Variants in UGT2A1 observed in about 807,000 individuals in gnomAD.
The protein encoded by UGT2A1 is UDP glucuronosyltransferase family 2 member A1 complex locus.
A neutral mutation model predicts 45.4 loss-of-function variants in UGT2A1; 61 were observed. The ratio of observed to expected loss-of-function variants is 1.34; its 90% confidence interval spans 1.09 to 1.66. UGT2A1 has a LOEUF of 1.66. Ranked by LOEUF, UGT2A1 falls within the 40% of genes most tolerant of loss-of-function variation. The probability of loss-of-function intolerance (pLI) is 0.00; values close to 1 mark genes in which losing one functional copy is unlikely to be tolerated. For missense variants in UGT2A1, 649 were observed against 574.3 expected, an observed-to-expected ratio of 1.13 and a Z score of -1.33; for synonymous variants, 229 against 196.2, an observed-to-expected ratio of 1.17 and a Z score of -1.40.
At position 69,639,553 on chromosome 4, in the gene UGT2A1, C is replaced by G. The variant is rs963315167; in HGVS notation, c.716-3731G>C. On this transcript the variant is annotated intron_variant, in intron 2 of 6. Transcript: ENST00000286604. ...TCTGTAGGCCAAATTAACACATTCC[C>G]ACTTAGAACAACTTCAGTCAGAGTC... The G allele has an allele frequency of 3.1e-6, 5 of 1,612,668 alleles. No individual in the cohort carries two copies. In the South Asian group the frequency reaches 5.5e-5, roughly 18 times the overall value.
At chr4:69,614,269 G>A (rs897055933) in intron 3 of UGT2A1, among the ~76,000 whole-genome samples, 1 of 151,778 alleles carries the variant, frequency 6.6e-6, no homozygotes, top group East Asian at 1.9e-4. Context: ...AATCAAATAC[G>A]AGAAATATAT....
rs1182857622 is a variant in UGT2A1 at position 69,604,876 on chromosome 4, C to T, written c.848-5482G>A. On this transcript the variant is annotated intron_variant, in intron 3 of 6. Coordinates refer to ENST00000286604, the MANE Select transcript of UGT2A1 (RefSeq NM_001252275.3). ...AATTCAACAAGAAGAGCTAGCTGTC[C>T]TAAATATATATGCACCCAATACAGG... is the stretch of plus-strand genomic sequence containing the variant. Among the ~76,000 whole-genome samples the T allele has an allele frequency of 7.3e-5, 10 of 136,780 alleles. 1 individual carries two copies. The highest frequency in any genetic ancestry group is 4.3e-4 in the Admixed American group (6 of 13,964). The allele number at this position is 136,780 out of a possible 152,430, so 89.7% of individuals were successfully genotyped here.
chr4:69,634,688 C>G (rs138141630), intron 3 of UGT2A1, among the ~76,000 whole-genome samples: 142 of 151,884 alleles, frequency 9.3e-4, no homozygotes, highest in African/African-American at 3.3e-3. Context: ...TGAATAGATG[C>G]AGAAAAACAT....
intron 4 of UGT2A1, 114 bp from the exon 5 acceptor site, chr4:69,595,363 A>G (rs984614422): frequency 1.6e-6 from 2 of 1,249,470 alleles, no homozygotes; most frequent in Non-Finnish European, 2.2e-6. Context: ...GAATTACATA[A>G]GCAGTAGTTT....
In UGT2A1 at chr4:69,589,297, T is replaced by G; in HGVS notation, c.*75A>C. On this transcript the variant is annotated 3_prime_UTR_variant, in exon 7 of 7. Coordinates refer to ENST00000286604, the MANE Select transcript of UGT2A1 (RefSeq NM_001252275.3). ...ACGTGTTTTTGTTAAACTCCTTTTG[T>G]CTGGAATTAATAGGACTACACTACT... The G allele has an allele frequency of 7.0e-7, 1 of 1,422,678 alleles. No individual in the cohort carries two copies. The highest frequency in any genetic ancestry group is 9.2e-7 in the Non-Finnish European group (1 of 1,081,646). 88.1% of individuals were successfully genotyped at this position (1,422,678 alleles called of 1,614,324 possible). A position where few individuals can be genotyped will look rare whatever the true frequency, so the allele number is the denominator to read the frequency against.
chr4:69,596,008 C>T (rs1029821082), intron 4 of UGT2A1, among the ~76,000 whole-genome samples: 1 of 152,096 alleles, frequency 6.6e-6, no homozygotes, highest in African/African-American at 2.4e-5. Flanking sequence ...ATTTCTATTC[C>T]ATTAAAAATA....
intron 3 of UGT2A1, among the ~76,000 whole-genome samples, chr4:69,625,809 AAT>A (rs2109945097): frequency 6.6e-6 from 1 of 151,692 alleles, no homozygotes; most frequent in East Asian, 1.9e-4. Flanking sequence ...TCAATAAACA[AAT>A]ATTAAAATTA....
intron 6 of UGT2A1, among the ~76,000 whole-genome samples, chr4:69,592,706 G>A (rs1718657364): frequency 2.6e-5 from 4 of 152,086 alleles, no homozygotes; most frequent in Admixed American, 2.0e-4. Context: ...CAGGAAATAA[G>A]AGAGGAAAAC....
chr4:69,649,961 C>A (rs1428845323), intron 1 of UGT2A1, among the ~76,000 whole-genome samples: 3 of 152,004 alleles, frequency 2.0e-5, no homozygotes, highest in East Asian at 3.9e-4. Flanking sequence ...GAAATTCACA[C>A]CTTTGCAAAT....
chr4:69,599,621 C>T, intron 3 of UGT2A1: 1 of 467,974 alleles, frequency 2.1e-6, no homozygotes. Flanking sequence ...GGGAGGAAGG[C>T]AGGCAAGCAG....
intron 4 of UGT2A1, among the ~76,000 whole-genome samples, chr4:69,595,603 T>C (rs1718876633): frequency 6.6e-6 from 1 of 152,026 alleles, no homozygotes; most frequent in Non-Finnish European, 1.5e-5. Flanking sequence ...TACATAAATA[T>C]AAAGAGTCCT....
At chr4:69,609,466 G>T (rs1719900224) in intron 3 of UGT2A1, among the ~76,000 whole-genome samples, 1 of 152,056 alleles carries the variant, frequency 6.6e-6, no homozygotes, top group South Asian at 2.1e-4. Context: ...AAAGAGCTGG[G>T]ATTACAGGTG....
At chr4:69,617,969 T>A (rs150269706) in intron 3 of UGT2A1, among the ~76,000 whole-genome samples, 1 of 151,952 alleles carries the variant, frequency 6.6e-6, no homozygotes, top group African/African-American at 2.4e-5. Context: ...TGTTCAAATA[T>A]GTCTTTCGGA....
chr4:69,627,166 T>C (rs546945255), intron 3 of UGT2A1, among the ~76,000 whole-genome samples: 8 of 152,040 alleles, frequency 5.3e-5, no homozygotes, highest in Middle Eastern at 3.4e-3. Context: ...TATTTCTAAA[T>C]AATTTTTAAC....
intron 3 of UGT2A1, among the ~76,000 whole-genome samples, chr4:69,607,709 A>C (rs1719740277): frequency 6.6e-6 from 1 of 152,228 alleles, no homozygotes; most frequent in South Asian, 2.1e-4. Context: ...CAATGAACTC[A>C]AACAAATTTA....
chr4:69,644,772 CT>C (rs1722183091), intron 2 of UGT2A1, among the ~76,000 whole-genome samples: 1 of 151,744 alleles, frequency 6.6e-6, no homozygotes, highest in Non-Finnish European at 1.5e-5. Flanking sequence ...GAGGTGATGA[CT>C]TTTGCTATCA....
chr4:69,652,500 A>C (rs892141641), intron 1 of UGT2A1, among the ~76,000 whole-genome samples: 4 of 151,692 alleles, frequency 2.6e-5, no homozygotes, highest in African/African-American at 7.3e-5. Context: ...TGAACTTCTG[A>C]CCAGAGGTGA....
At chr4:69,612,931 A>C (rs1720154890) in intron 3 of UGT2A1, among the ~76,000 whole-genome samples, 1 of 151,048 alleles carries the variant, frequency 6.6e-6, no homozygotes, top group African/African-American at 2.4e-5. Flanking sequence ...CTATCCAGAG[A>C]GTACAAAGAC....
intron 5 of UGT2A1, 110 bp from the exon 6 acceptor site, chr4:69,594,806 G>T (rs966307867): frequency 4.5e-6 from 6 of 1,320,886 alleles, no homozygotes; most frequent in Non-Finnish European, 5.1e-6. Context: ...AGAAGGATAC[G>T]TTTTCTACAA....
Sources: allele counts gnomAD v4.1 joint callset (sites outside exome capture counted in the v4.1 genomes callset), GRCh38; gene constraint gnomAD v4.1.1; transcripts MANE v1.5; gene names NCBI Gene and HGNC (gene_info 2026-07-23, HGNC 2026-07-21).